The following RNFT2 variants were observed in gnomAD, a reference collection of about 807,000 sequenced individuals.
RNFT2 encodes the protein ring finger protein, transmembrane 2.
A neutral mutation model predicts 53.0 loss-of-function variants in RNFT2; 36 were observed. The observed-to-expected ratio is 0.68, with a 90% CI of 0.52 to 0.90. The LOEUF (loss-of-function observed/expected upper bound fraction) is 0.90. Ranked by LOEUF, RNFT2 falls within the 40% of genes least tolerant of loss-of-function variation. The pLI is 0.00. For synonymous variants in RNFT2, 260 were observed against 253.2 expected (o/e 1.03, Z -0.26); for missense variants, 514 against 585.6 (o/e 0.88, Z 1.26).
chr12:116,826,271 G>T (rs1876333616), intron 7 of RNFT2, among the ~76,000 whole-genome samples: 1 of 151,942 alleles, frequency 6.6e-6, no homozygotes, highest in Non-Finnish European at 1.5e-5. Context: ...GAGGAAGTCG[G>T]AATAGAATCC....
At chr12:116,808,762 G>A (rs1360607427) in intron 7 of RNFT2, among the ~76,000 whole-genome samples, 1 of 152,198 alleles carries the variant, frequency 6.6e-6, no homozygotes, top group Non-Finnish European at 1.5e-5. Context: ...AAACGGCAGG[G>A]AGGAGGGGCG....
chr12:116,751,787 T>C (rs1872264669), intron 4 of RNFT2, among the ~76,000 whole-genome samples: 1 of 151,644 alleles, frequency 6.6e-6, no homozygotes, highest in Admixed American at 6.6e-5. Context: ...TGAGATGGAG[T>C]CTCACTCTGT....
At chr12:116,742,760 G>A (rs1035733371) in intron 3 of RNFT2, among the ~76,000 whole-genome samples, 25 of 152,098 alleles carry the variant, frequency 1.6e-4, no homozygotes, top group African/African-American at 5.6e-4. Context: ...CAGCCTAGGT[G>A]ACATGAGGAG....
At chr12:116,843,995 A>C (rs1447260736) in intron 10 of RNFT2, among the ~76,000 whole-genome samples, 1 of 152,230 alleles carries the variant, frequency 6.6e-6, no homozygotes, top group Non-Finnish European at 1.5e-5. Context: ...ATGTTGACTA[A>C]GCATTTAGAA....
At position 116,841,768 on chromosome 12, in the gene RNFT2, T is replaced by TATATATATAAATATATATATATAA. The variant is rs1565875848; in HGVS notation, c.1200+5495_1200+5496insAATATATATATATAAATATATATA. ...GTCTCAAAAAATATATAAATATAAATATATATATATAAATATATATATATA... is the reference window on the plus strand; with the variant it reads ...GTCTCAAAAAATATATAAATATAAATATATATATAAATATATATATATAAATATATATATAAATATATATATATA... On this transcript the variant is annotated intron_variant, in intron 10 of 10. Coordinates refer to ENST00000257575, the MANE Select transcript of RNFT2 (RefSeq NM_001382266.1). Among the ~76,000 whole-genome samples, 54 of 96,704 alleles carry TATATATATAAATATATATATATAA rather than the reference T, an allele frequency of 5.6e-4. 1 individual carries two copies. Among genetic ancestry groups the TATATATATAAATATATATATATAA allele is most frequent in the African/African-American group, 1.9e-3 (47 of 24,532 alleles). The allele number at this position is 96,704 out of a possible 152,430, so 63.4% of individuals were successfully genotyped here.
chr12:116,801,333 A>G (rs1272390650), intron 7 of RNFT2: 3 of 152,258 alleles, frequency 2.0e-5, no homozygotes, highest in Non-Finnish European at 4.4e-5. Flanking sequence ...TGCTTTTACA[A>G]AATGTACCTC....
chr12:116,799,575 C>T (rs1314390054), intron 7 of RNFT2, among the ~76,000 whole-genome samples: 1 of 149,230 alleles, frequency 6.7e-6, no homozygotes, highest in East Asian at 2.1e-4. Flanking sequence ...TATAAGTTAG[C>T]TGTGTTTTTT....
At chr12:116,845,937 T>G (rs1175671565) in intron 10 of RNFT2, among the ~76,000 whole-genome samples, 5 of 152,138 alleles carry the variant, frequency 3.3e-5, no homozygotes, top group African/African-American at 1.2e-4. Flanking sequence ...TCCCCTCTCT[T>G]CTGCCCAGTT....
At chr12:116,802,302 G>A (rs558754342) in intron 7 of RNFT2, among the ~76,000 whole-genome samples, 36 of 152,270 alleles carry the variant, frequency 2.4e-4, no homozygotes, top group African/African-American at 8.2e-4. Context: ...CCCTTTTATT[G>A]AGGAGCACAG....
At chr12:116,753,893 A>C (rs1051632682) in intron 4 of RNFT2, 91 bp from the exon 5 acceptor site, 1 of 922,596 alleles carries the variant, frequency 1.1e-6, no homozygotes, top group Non-Finnish European at 1.8e-6. Flanking sequence ...TGAGGGGACC[A>C]GGGATGTGCC....
Position 116,852,327 on chromosome 12 carries a change from C to T in RNFT2, c.*2879C>T, listed in dbSNP as rs1877966887. On this transcript the variant is annotated 3_prime_UTR_variant, in exon 11 of 11. Coordinates refer to ENST00000257575, the MANE Select transcript of RNFT2 (RefSeq NM_001382266.1). Reference sequence around the variant, plus strand: ...GTATTAACATGTCCCCTTCCCCCTGCCCCGCCGTAGATTCAGGACATTTGC... The same window carrying T: ...GTATTAACATGTCCCCTTCCCCCTGTCCCGCCGTAGATTCAGGACATTTGC... 34 of 1,255,062 alleles carry T rather than the reference C, an allele frequency of 2.7e-5. No individual in the cohort carries two copies. The highest frequency in any genetic ancestry group is 3.2e-4 in the Middle Eastern group (1 of 3,164). The allele number at this position is 1,255,062 out of a possible 1,614,324, so 77.7% of individuals were successfully genotyped here. A position where few individuals can be genotyped will look rare whatever the true frequency, so the allele number is the denominator to read the frequency against.
rs889475880 is a variant in RNFT2, at chr12:116,849,671, G to A, written c.*223G>A. On this transcript the variant is annotated 3_prime_UTR_variant, in exon 11 of 11. Coordinates refer to ENST00000257575, the MANE Select transcript of RNFT2 (RefSeq NM_001382266.1). ...GCCTCCTTCCCCTGCAAAAGGGGAC[G>A]TCTTCCTAACTCAGACTTGATGCCC... 26 of 1,273,208 alleles carry A rather than the reference G, an allele frequency of 2.0e-5. No individual in the cohort carries two copies. Among genetic ancestry groups the A allele is most frequent in the Middle Eastern group, 3.0e-4 (1 of 3,330 alleles). 78.9% of individuals were successfully genotyped at this position (1,273,208 alleles called of 1,614,324 possible).
At chr12:116,834,242 A>G (rs113020050) in intron 8 of RNFT2, among the ~76,000 whole-genome samples, 21,780 of 151,950 alleles carry the variant, frequency 0.14, 2,783 homozygotes, top group African/African-American at 0.34. Flanking sequence ...CTCAGCCTCC[A>G]GAATAGCTGG....
At chr12:116,760,926 TG>T (rs1173648487) in intron 5 of RNFT2, among the ~76,000 whole-genome samples, 1 of 152,204 alleles carries the variant, frequency 6.6e-6, no homozygotes, top group African/African-American at 2.4e-5. Flanking sequence ...TTGTCCAGGC[TG>T]CAGTGCAGTG....
At chr12:116,780,499 C>T (rs1873646068) in intron 7 of RNFT2, among the ~76,000 whole-genome samples, 1 of 152,054 alleles carries the variant, frequency 6.6e-6, no homozygotes, top group Non-Finnish European at 1.5e-5. Flanking sequence ...CACTGCTCAC[C>T]TCCTGCTGTG....
At chr12:116,827,416 G>A (rs1264795282) in intron 7 of RNFT2, among the ~76,000 whole-genome samples, 1 of 152,124 alleles carries the variant, frequency 6.6e-6, no homozygotes, top group Non-Finnish European at 1.5e-5. Flanking sequence ...ATCTGCAAAG[G>A]AAGAGCTTGG....
chr12:116,779,457 A>C, intron 7 of RNFT2, 109 bp downstream of exon 7: 1 of 1,182,304 alleles, frequency 8.5e-7, no homozygotes, highest in Non-Finnish European at 1.2e-6. Context: ...TGATGTCAGC[A>C]TATAAAATAA....
At chr12:116,822,360 C>G (rs1876086335) in intron 7 of RNFT2, among the ~76,000 whole-genome samples, 1 of 152,148 alleles carries the variant, frequency 6.6e-6, no homozygotes, top group Non-Finnish European at 1.5e-5. Flanking sequence ...CTCTCTCTCT[C>G]TGTGGCAATT....
intron 6 of RNFT2, among the ~76,000 whole-genome samples, chr12:116,778,755 C>T (rs769414783): frequency 2.1e-4 from 32 of 152,278 alleles, no homozygotes; most frequent in Non-Finnish European, 4.6e-4. Flanking sequence ...GAAGCTGAGG[C>T]GGGAAAATCA....
Sources: gnomAD v4.1 joint callset for allele counts (sites outside exome capture counted in the v4.1 genomes callset) on GRCh38, gnomAD v4.1.1 for gene constraint, MANE v1.5 for transcripts, NCBI Gene and HGNC (gene_info 2026-07-23, HGNC 2026-07-21) for gene names.